RRBP1: variants seen among roughly 807,000 people sequenced by gnomAD.
RRBP1 encodes ribosome binding protein 1, also known as ribosome-binding protein 1.
RRBP1 carries 94 observed loss-of-function variants against 165.2 expected under a neutral mutation model. That is an observed-to-expected ratio of 0.57 (90% CI 0.48 to 0.68). The LOEUF (loss-of-function observed/expected upper bound fraction) is 0.68, where lower values mean the gene tolerates loss of function less well. Among genes scored for constraint, RRBP1 ranks in the 30% least tolerant of loss-of-function variants. The probability of loss-of-function intolerance (pLI) is 0.00; values close to 1 mark genes in which losing one functional copy is unlikely to be tolerated. For missense variants in RRBP1, 1,676 were observed against 1,763.0 expected (o/e 0.95, Z 0.88); for synonymous variants, 680 against 714.5 (o/e 0.95, Z 0.77).
rs372812631 is a variant in RRBP1, at chr20:17,620,812, G to T, written c.3415-5C>A. The T allele has an allele frequency of 1.3e-6, 2 of 1,599,604 alleles. No individual in the cohort carries two copies. Among genetic ancestry groups the T allele is most frequent in the African/African-American group, 1.3e-5 (1 of 74,758 alleles). ...CAGGTCTCTGAGCATGCCCTCCTGG[G>T]GGGAAACCGAGGTGAGGCAGGGCCC... On this transcript the variant is annotated splice_region_variant and splice_polypyrimidine_tract_variant and intron_variant, in intron 16 of 24. Transcript: ENST00000377813.
chr20:17,645,697 C>T (rs1187502093), intron 3 of RRBP1, among the ~76,000 whole-genome samples: 2 of 152,248 alleles, frequency 1.3e-5, no homozygotes, highest in East Asian at 3.8e-4. Flanking sequence ...CTAACGGGAG[C>T]CTAAGGCGTG....
intron 12 of RRBP1, among the ~76,000 whole-genome samples, chr20:17,625,081 C>G (rs1452315210): frequency 6.6e-6 from 1 of 152,106 alleles, no homozygotes; most frequent in Non-Finnish European, 1.5e-5. Flanking sequence ...CTGCAGGGAG[C>G]AACAGGGCCA....
rs1324320893 is a variant in RRBP1 at position 17,641,780 on chromosome 20, G to A, written c.2184+17C>T. ...ACGGGAGAGGACAAACCATCTCCGAGCCCACTCAGGCTGTACCTTGTTGAG... is the reference window on the plus strand; with the variant it reads ...ACGGGAGAGGACAAACCATCTCCGAACCCACTCAGGCTGTACCTTGTTGAG... On this transcript the variant is annotated intron_variant, in intron 5 of 24. Coordinates refer to ENST00000377813, the MANE Select transcript of RRBP1 (RefSeq NM_001365613.2). 1.2e-5 allele frequency: 20 copies of A among 1,610,880 alleles called. No individual in the cohort carries two copies. Among genetic ancestry groups the A allele is most frequent in the African/African-American group, 2.7e-5 (2 of 74,830 alleles).
chr20:17,660,465 C>T lies in RRBP1; in HGVS notation c.43G>A (p.Gly15Arg). 6.2e-7 allele frequency: 1 copy of T among 1,614,150 alleles called. No homozygotes were observed. Among genetic ancestry groups the T allele is most frequent in the Non-Finnish European group, 8.5e-7 (1 of 1,180,030 alleles). Reference sequence around the variant, plus strand: ...ATGGCAGAAACAACCATGAATCCTCCAAAGACCACAACCCCCAAGGTTTGA... The same window carrying T: ...ATGGCAGAAACAACCATGAATCCTCTAAAGACCACAACCCCCAAGGTTTGA... ...DTQTLGVVVFGGFMVVSAIGI... is the reference protein window; with the variant it reads ...DTQTLGVVVFRGFMVVSAIGI... The change falls in exon 3 of 25, where the codon GGA becomes AGA. Residue 15 changes from glycine to arginine, a missense_variant. Transcript: ENST00000377813.
intron 2 of RRBP1, among the ~76,000 whole-genome samples, chr20:17,676,448 G>A (rs2122515146): frequency 6.6e-6 from 1 of 152,264 alleles, no homozygotes. Context: ...GAGAAGTCAT[G>A]TCCAAAGTCA....
chr20:17,627,731 G>C (rs770876844), intron 9 of RRBP1, 49 bp from the exon 10 acceptor site: 1 of 1,515,322 alleles, frequency 6.6e-7, no homozygotes, highest in Non-Finnish European at 8.9e-7. Flanking sequence ...CAAACCCCAG[G>C]GGGTGTGGAG....
chr20:17,653,886 G>A (rs75802086), intron 3 of RRBP1, among the ~76,000 whole-genome samples: 1 of 150,448 alleles, frequency 6.6e-6, no homozygotes, highest in East Asian at 2.0e-4. Flanking sequence ...GACAGAAAGA[G>A]CCACACATAC....
intron 5 of RRBP1, 175 bp downstream of exon 5, chr20:17,641,622 C>T (rs930755318): frequency 5.7e-5 from 43 of 754,586 alleles, no homozygotes; most frequent in South Asian, 2.5e-4. Flanking sequence ...GGTGAGCTGC[C>T]GGCCCTTGGC....
intron 20 of RRBP1, 123 bp downstream of exon 20, chr20:17,618,473 G>C: frequency 1.2e-6 from 1 of 822,284 alleles, no homozygotes; most frequent in Non-Finnish European, 2.1e-6. Flanking sequence ...TGCTCAACGG[G>C]TGACACTGTC....
intron 1 of RRBP1, among the ~76,000 whole-genome samples, chr20:17,681,326 C>T (rs1196551964): frequency 2.0e-5 from 3 of 147,042 alleles, no homozygotes; most frequent in Non-Finnish European, 4.5e-5. Flanking sequence ...GGAGCCGCCT[C>T]CCGCACTCCG....
At chr20:17,627,451 AC>A in intron 10 of RRBP1, 52 bp downstream of exon 10, 1 of 1,609,364 alleles carries the variant, frequency 6.2e-7, no homozygotes, top group Non-Finnish European at 8.5e-7. Context: ...TAGTCCACCC[AC>A]CTGCTAGATG....
At chr20:17,678,001 C>T (rs1445138731) in intron 2 of RRBP1, among the ~76,000 whole-genome samples, 2 of 152,180 alleles carry the variant, frequency 1.3e-5, no homozygotes, top group Non-Finnish European at 2.9e-5. Flanking sequence ...GTATTCTAGT[C>T]TTGCCAAAAA....
At chr20:17,662,000 C>T (rs977754335) in intron 2 of RRBP1, among the ~76,000 whole-genome samples, 7 of 152,164 alleles carry the variant, frequency 4.6e-5, no homozygotes, top group African/African-American at 1.7e-4. Flanking sequence ...CGGTGGCTCA[C>T]GCCTGTAATC....
Position 17,632,180 on chromosome 20 carries a change from A to G in RRBP1, c.2610+1280T>C, listed in dbSNP as rs560903767. On this transcript the variant is annotated intron_variant, in intron 8 of 24. Transcript: ENST00000377813. ...GGCCTCACTGTCAATCACAGACTTG[A>G]CAGGCACAGAATCTTTGGTGTCAGA... Among the ~76,000 whole-genome samples, 5 of 152,316 alleles carry G rather than the reference A, an allele frequency of 3.3e-5. No homozygotes were observed. In the South Asian group the frequency reaches 1.0e-3, roughly 32 times the overall value.
chr20:17,616,953 T>C, intron 20 of RRBP1, 114 bp from the exon 21 acceptor site: 1 of 873,552 alleles, frequency 1.1e-6, no homozygotes, highest in Non-Finnish European at 1.9e-6. Context: ...CCAAAGTCCC[T>C]TCAGGGGACC....
chr20:17,627,615 G>T lies in RRBP1; in HGVS notation c.2817C>A (p.Leu939=). ...CCCTGGCCTCCTGGAGCTGCCCGTGGAGGCCACTCAGCTCCTCGCATTTGC... is the reference window on the plus strand; with the variant it reads ...CCCTGGCCTCCTGGAGCTGCCCGTGTAGGCCACTCAGCTCCTCGCATTTGC... The part of the protein sequence containing the change: ...VRSKCEELSG[L]HGQLQEARAE... Residue 939 remains leucine (L), a synonymous_variant, in exon 10 of 25, where the codon CTC becomes CTA. Coordinates refer to ENST00000377813, the MANE Select transcript of RRBP1 (RefSeq NM_001365613.2). 6.2e-7 allele frequency: 1 copy of T among 1,613,524 alleles called. No individual in the cohort carries two copies. Among genetic ancestry groups the T allele is most frequent in the East Asian group, 2.2e-5 (1 of 44,888 alleles).
At position 17,621,558 on chromosome 20, in the gene RRBP1, G is replaced by A; in HGVS notation, c.3325-11C>T. The A allele has an allele frequency of 6.2e-7, 1 of 1,609,246 alleles. No homozygotes were observed. The highest frequency in any genetic ancestry group is 1.7e-5 in the Admixed American group (1 of 59,892). Reference sequence around the variant, plus strand: ...CTTGGAGGCCAGGTCCTGAGAGAGGGAAGAACAGGTGTTTAGTTAGCCACA... The same window carrying A: ...CTTGGAGGCCAGGTCCTGAGAGAGGAAAGAACAGGTGTTTAGTTAGCCACA... On this transcript the variant is annotated splice_polypyrimidine_tract_variant and intron_variant, in intron 15 of 24. Coordinates refer to ENST00000377813, the MANE Select transcript of RRBP1 (RefSeq NM_001365613.2).
intron 20 of RRBP1, 151 bp downstream of exon 20, chr20:17,618,445 C>T (rs2035843049): frequency 1.5e-6 from 1 of 678,762 alleles, no homozygotes. Flanking sequence ...GGAAGGCCCC[C>T]AGAAGCCGGC....
chr20:17,649,954 G>A (rs551911601), intron 3 of RRBP1, among the ~76,000 whole-genome samples: 5 of 152,148 alleles, frequency 3.3e-5, no homozygotes, highest in Non-Finnish European at 4.4e-5. Context: ...GCTGGGACAC[G>A]CACTGGCCTC....
Sources: allele counts gnomAD v4.1 joint callset (sites outside exome capture counted in the v4.1 genomes callset), GRCh38; gene constraint gnomAD v4.1.1; transcripts MANE v1.5; gene names NCBI Gene and HGNC (gene_info 2026-07-23, HGNC 2026-07-21).